Variants in DNAH14 observed in about 807,000 individuals in gnomAD.
DNAH14 encodes axonemal beta dynein heavy chain 14.
Under a neutral mutation model 520.9 loss-of-function variants are expected in DNAH14, and 478 were observed. The observed-to-expected ratio is 0.92, with a 90% CI of 0.85 to 0.99. The LOEUF is 0.99. Among genes scored for constraint, DNAH14 ranks in the 50% least tolerant of loss-of-function variants. The probability of loss-of-function intolerance (pLI) is 0.00; values close to 1 mark genes in which losing one functional copy is unlikely to be tolerated. For missense variants in DNAH14, 4,831 were observed against 5,234.5 expected (o/e 0.92, Z 2.38); for synonymous variants, 1,581 against 1,757.2 (o/e 0.90, Z 2.51).
chr1:225,060,688 T>G (rs2069934775), intron 17 of DNAH14, among the ~76,000 whole-genome samples: 1 of 80,246 alleles, frequency 1.2e-5, no homozygotes, highest in Non-Finnish European at 3.5e-5. Context: ...ACAGATGGGG[T>G]TTTAGTGTGG....
chr1:225,006,499 G>A (rs894538063), intron 9 of DNAH14, among the ~76,000 whole-genome samples: 1 of 152,074 alleles, frequency 6.6e-6, no homozygotes, highest in African/African-American at 2.4e-5. Flanking sequence ...CATTCCCAGG[G>A]GAAGGTCTCT....
At chr1:225,012,669 T>G (rs576642976) in intron 10 of DNAH14, among the ~76,000 whole-genome samples, 1 of 152,326 alleles carries the variant, frequency 6.6e-6, no homozygotes, top group Non-Finnish European at 1.5e-5. Context: ...CTTTTCATTC[T>G]TTTTTCTCTA....
At chr1:225,104,059 G>C (rs893467233) in intron 23 of DNAH14, among the ~76,000 whole-genome samples, 1 of 152,130 alleles carries the variant, frequency 6.6e-6, no homozygotes, top group African/African-American at 2.4e-5. Context: ...TTTGAGATAC[G>C]TCCCCTCAAT....
At chr1:225,058,221 C>T (rs1486923688) in intron 17 of DNAH14, among the ~76,000 whole-genome samples, 2 of 152,134 alleles carry the variant, frequency 1.3e-5, no homozygotes, top group Admixed American at 6.5e-5. Context: ...TGTTACTGGT[C>T]TATTCAGAGA....
intron 38 of DNAH14, among the ~76,000 whole-genome samples, chr1:225,198,319 AC>A (rs1349766943): frequency 2.0e-5 from 3 of 151,474 alleles, no homozygotes; most frequent in Admixed American, 1.3e-4. Context: ...CTGGGTTCAC[AC>A]CATTCTCCTG....
chr1:224,994,149 A>G (rs890304661), intron 8 of DNAH14, among the ~76,000 whole-genome samples: 2 of 152,020 alleles, frequency 1.3e-5, no homozygotes, highest in Admixed American at 6.6e-5. Context: ...AACAATGTAT[A>G]TTCTGTTGCT....
chr1:225,351,030 A>G (rs2095357737), intron 71 of DNAH14, among the ~76,000 whole-genome samples: 1 of 152,228 alleles, frequency 6.6e-6, no homozygotes, highest in Non-Finnish European at 1.5e-5. Flanking sequence ...AGAGGACTGT[A>G]CACCATAACC....
chr1:225,247,873 G>A (rs1203093053), intron 43 of DNAH14, among the ~76,000 whole-genome samples: 2 of 152,014 alleles, frequency 1.3e-5, no homozygotes, highest in African/African-American at 4.8e-5. Flanking sequence ...CAAAAAACTA[G>A]CCAGGCACGG....
chr1:225,054,382 G>A (rs2068836087), intron 17 of DNAH14, among the ~76,000 whole-genome samples: 1 of 152,086 alleles, frequency 6.6e-6, no homozygotes, highest in Admixed American at 6.6e-5. Flanking sequence ...GACCAGAAAA[G>A]TCTTGGGTAT....
rs2064267205 is a variant in DNAH14, at chr1:225,007,452, G to A, written c.1015G>A (p.Glu339Lys). The A allele has an allele frequency of 6.5e-7, 1 of 1,539,992 alleles. No homozygotes were observed. Among genetic ancestry groups the A allele is most frequent in the Non-Finnish European group, 8.8e-7 (1 of 1,140,470 alleles). The change falls in exon 10 of 86, where the codon GAA (glutamate) becomes AAA (lysine). Residue 339 changes from glutamate to lysine, a missense_variant. Glu to Lys is a moderately conservative substitution (Grantham distance 56). Coordinates refer to ENST00000682510, the MANE Select transcript of DNAH14 (RefSeq NM_001367479.1). ...AACATATTCTCTAGATGAATTTTGT[G>A]AAGAGCAGTTACAGCAAGCTACCCA... Reference protein sequence around the residue: ...SRTYSLDEFCEEQLQQATQAL... With the variant: ...SRTYSLDEFCKEQLQQATQAL...
At position 225,303,192 on chromosome 1, in the gene DNAH14, A is replaced by G; in HGVS notation, c.8668A>G (p.Ser2890Gly). 2 of 1,507,932 alleles carry G rather than the reference A, an allele frequency of 1.3e-6. No individual in the cohort carries two copies. Among genetic ancestry groups the G allele is most frequent in the East Asian group, 2.5e-5 (1 of 40,424 alleles). The allele number at this position is 1,507,932 out of a possible 1,614,324, so 93.4% of individuals were successfully genotyped here. Reference protein sequence around the residue: ...YKNLHIFVIMSPEGPSFRQNC... With the variant: ...YKNLHIFVIMGPEGPSFRQNC... ...AAATCTTCATATTTTTGTGATCATGAGTCCTGAAGGACCTAGCTTCCGCCA... is the reference window on the plus strand; with the variant it reads ...AAATCTTCATATTTTTGTGATCATGGGTCCTGAAGGACCTAGCTTCCGCCA... Residue 2890 changes from serine to glycine, a missense_variant, in exon 57 of 86, where the codon AGT (serine) becomes GGT (glycine). Ser to Gly is a moderately conservative substitution (Grantham distance 56). Coordinates refer to ENST00000682510, the MANE Select transcript of DNAH14 (RefSeq NM_001367479.1).
intron 11 of DNAH14, among the ~76,000 whole-genome samples, chr1:225,027,665 G>T (rs982485090): frequency 6.6e-5 from 10 of 151,924 alleles, no homozygotes; most frequent in African/African-American, 2.4e-4. Context: ...AAACAACCAG[G>T]TCTCATGAGA....
chr1:225,040,888 A>G (rs935058661), intron 12 of DNAH14, among the ~76,000 whole-genome samples: 9 of 152,234 alleles, frequency 5.9e-5, no homozygotes, highest in Non-Finnish European at 1.2e-4. Flanking sequence ...TCAATATTTA[A>G]TGTCAATCAG....
At chr1:225,324,096 A>C in intron 62 of DNAH14, 126 bp from the exon 63 acceptor site, 1 of 1,222,916 alleles carries the variant, frequency 8.2e-7, no homozygotes, top group Non-Finnish European at 1.1e-6. Context: ...GTTTATAGGC[A>C]TGAGCCGCCG....
At chr1:225,272,894 C>T (rs569178392) in intron 51 of DNAH14, 61 bp from the exon 52 acceptor site, 157 of 1,423,112 alleles carry the variant, frequency 1.1e-4, no homozygotes, top group Non-Finnish European at 1.4e-4. Flanking sequence ...ATTGAGCCTT[C>T]GCTTCACATA....
intron 31 of DNAH14, among the ~76,000 whole-genome samples, chr1:225,148,763 A>T (rs1054398975): frequency 5.9e-5 from 9 of 151,924 alleles, no homozygotes; most frequent in Non-Finnish European, 1.2e-4. Context: ...GTGTCCCTTC[A>T]TGTCCTTTGC....
At chr1:225,303,862 G>A (rs982681841) in intron 57 of DNAH14, among the ~76,000 whole-genome samples, 1 of 152,178 alleles carries the variant, frequency 6.6e-6, no homozygotes, top group Non-Finnish European at 1.5e-5. Context: ...GGTAAGAAGT[G>A]TTGACCAAAG....
intron 41 of DNAH14, among the ~76,000 whole-genome samples, chr1:225,216,821 T>G (rs1450511114): frequency 6.6e-6 from 1 of 152,210 alleles, no homozygotes; most frequent in African/African-American, 2.4e-5. Context: ...GGTTTTTAGC[T>G]TCTTTGCAAT....
chr1:225,362,174 A>C (rs1299111325), intron 75 of DNAH14, among the ~76,000 whole-genome samples: 2 of 152,258 alleles, frequency 1.3e-5, no homozygotes, highest in African/African-American at 4.8e-5. Context: ...TGCTAATAAA[A>C]AAAAGAAATT....
Sources: gnomAD v4.1 joint callset for allele counts (sites outside exome capture counted in the v4.1 genomes callset) on GRCh38, gnomAD v4.1.1 for gene constraint, MANE v1.5 for transcripts, NCBI Gene and HGNC (gene_info 2026-07-23, HGNC 2026-07-21) for gene names.